EPC2: variants seen among roughly 807,000 people sequenced by gnomAD.
EPC2 encodes enhancer of polycomb homolog 2.
A neutral mutation model predicts 92.1 loss-of-function variants in EPC2; 14 were observed. The ratio of observed to expected loss-of-function variants is 0.15; its 90% confidence interval spans 0.10 to 0.24. The LOEUF (loss-of-function observed/expected upper bound fraction) is 0.24, where lower values mean the gene tolerates loss of function less well. Among genes scored for constraint, EPC2 ranks in the 10% least tolerant of loss-of-function variants. The pLI, the probability that EPC2 is intolerant of heterozygous loss-of-function variation, is 1.00. For synonymous variants in EPC2, 340 were observed against 334.7 expected, an observed-to-expected ratio of 1.02 and a Z score of -0.17; for missense variants, 755 against 971.5, an observed-to-expected ratio of 0.78 and a Z score of 2.96.
At position 148,645,010 on chromosome 2, in the gene EPC2, G is replaced by A. The variant is rs1172791916; in HGVS notation, c.-8G>A. The A allele has an allele frequency of 6.5e-7, 1 of 1,550,192 alleles. No homozygotes were observed. The highest frequency in any genetic ancestry group is 1.2e-5 in the South Asian group (1 of 84,044). Reference sequence around the variant, plus strand: ...CCGCCCGGGCTGTTCCTGTAAGGCGGGGAGACAATGAGTAAACTCTCCTTC... The same window carrying A: ...CCGCCCGGGCTGTTCCTGTAAGGCGAGGAGACAATGAGTAAACTCTCCTTC... On this transcript the variant is annotated 5_prime_UTR_variant, in exon 1 of 14. Transcript: ENST00000258484.
chr2:148,749,162 T>C (rs1327503941), intron 3 of EPC2, among the ~76,000 whole-genome samples: 3 of 152,156 alleles, frequency 2.0e-5, no homozygotes, highest in Non-Finnish European at 4.4e-5. Context: ...GGATACAGGC[T>C]ACATGTTTAC....
chr2:148,776,647 A>T (rs747221469), intron 10 of EPC2, among the ~76,000 whole-genome samples: 1 of 152,086 alleles, frequency 6.6e-6, no homozygotes, highest in Non-Finnish European at 1.5e-5. Flanking sequence ...TCTACCCTTT[A>T]ATCCTGCCCC....
chr2:148,680,191 A>G (rs1483815149), intron 1 of EPC2, among the ~76,000 whole-genome samples: 3 of 149,712 alleles, frequency 2.0e-5, no homozygotes, highest in South Asian at 2.1e-4. Flanking sequence ...CTAAATCCCT[A>G]TTGATCCTAA....
intron 2 of EPC2, among the ~76,000 whole-genome samples, chr2:148,701,966 C>T (rs1681897912): frequency 6.6e-6 from 1 of 152,018 alleles, no homozygotes. Context: ...TGTCCATTTT[C>T]TGTAAGTTGT....
intron 2 of EPC2, among the ~76,000 whole-genome samples, chr2:148,695,842 G>A (rs935643540): frequency 6.6e-6 from 1 of 152,180 alleles, no homozygotes; most frequent in Non-Finnish European, 1.5e-5. Flanking sequence ...AATAAATAAA[G>A]ACTGGTAAAA....
chr2:148,761,685 T>TA (rs1397279683), intron 4 of EPC2, 97 bp from the exon 5 acceptor site: 1 of 812,942 alleles, frequency 1.2e-6, no homozygotes, highest in Non-Finnish European at 1.8e-6. Flanking sequence ...ATTTTACTTT[T>TA]ATAGGATAAA....
chr2:148,726,665 G>GT (rs1682501067), intron 2 of EPC2, among the ~76,000 whole-genome samples: 1 of 148,494 alleles, frequency 6.7e-6, no homozygotes, highest in South Asian at 2.1e-4. Context: ...AAAGAGTTGA[G>GT]TATGTATATC....
chr2:148,660,228 A>T (rs1345775177), intron 1 of EPC2, among the ~76,000 whole-genome samples: 1 of 152,148 alleles, frequency 6.6e-6, no homozygotes, highest in Non-Finnish European at 1.5e-5. Context: ...TTTGTTTTTT[A>T]AAATCTATTT....
At chr2:148,685,878 A>G (rs1031114960) in intron 1 of EPC2, among the ~76,000 whole-genome samples, 2 of 152,220 alleles carry the variant, frequency 1.3e-5, no homozygotes, top group Admixed American at 6.5e-5. Context: ...AAAATGCCCT[A>G]TTGCTAAAAA....
intron 1 of EPC2, among the ~76,000 whole-genome samples, chr2:148,671,038 G>C (rs189209751): frequency 6.6e-6 from 1 of 152,216 alleles, no homozygotes; most frequent in Non-Finnish European, 1.5e-5. Flanking sequence ...ATGGTTTCTT[G>C]GGTACTTGGG....
chr2:148,759,174 C>T (rs971393612), intron 4 of EPC2, among the ~76,000 whole-genome samples: 1 of 152,154 alleles, frequency 6.6e-6, no homozygotes, highest in African/African-American at 2.4e-5. Flanking sequence ...CTTACTGCAA[C>T]CTCTACCTCC....
intron 6 of EPC2, 38 bp downstream of exon 6, chr2:148,762,840 A>G: frequency 6.4e-7 from 1 of 1,560,106 alleles, no homozygotes; most frequent in South Asian, 1.2e-5. Flanking sequence ...ATGGATGGTA[A>G]TGTTGATCAG....
chr2:148,711,822 T>C (rs1337821048), intron 2 of EPC2, among the ~76,000 whole-genome samples: 3 of 152,214 alleles, frequency 2.0e-5, no homozygotes, highest in African/African-American at 2.4e-5. Context: ...TTGACTCTTA[T>C]TATGTAATAT....
chr2:148,719,954 A>T (rs1293738908), intron 2 of EPC2, among the ~76,000 whole-genome samples: 2 of 152,178 alleles, frequency 1.3e-5, no homozygotes, highest in Non-Finnish European at 2.9e-5. Context: ...TCTGGCTGGG[A>T]GGACCCGCCC....
chr2:148,727,984 ATTCTT>A (rs1682530609), intron 2 of EPC2, among the ~76,000 whole-genome samples: 2 of 152,124 alleles, frequency 1.3e-5, no homozygotes, highest in Non-Finnish European at 2.9e-5. Context: ...AGGAATTTGT[ATTCTT>A]TTCTTTTCTC....
chr2:148,759,932 G>A (rs918529773), intron 4 of EPC2, among the ~76,000 whole-genome samples: 11 of 152,058 alleles, frequency 7.2e-5, no homozygotes, highest in Admixed American at 5.2e-4. Context: ...AGTTAGGAAC[G>A]ATAATTATTT....
intron 1 of EPC2, among the ~76,000 whole-genome samples, chr2:148,645,927 G>A (rs1683790188): frequency 6.6e-6 from 1 of 152,262 alleles, no homozygotes; most frequent in African/African-American, 2.4e-5. Context: ...AATTGTCATT[G>A]CGAGGTGGTC....
chr2:148,653,739 A>C (rs1298254901), intron 1 of EPC2, among the ~76,000 whole-genome samples: 1 of 149,920 alleles, frequency 6.7e-6, no homozygotes, highest in Non-Finnish European at 1.5e-5. Context: ...GACGTGTCTC[A>C]TGTCTTGGTT....
At chr2:148,742,191 A>G (rs1175828134) in intron 2 of EPC2, among the ~76,000 whole-genome samples, 4 of 152,134 alleles carry the variant, frequency 2.6e-5, no homozygotes, top group African/African-American at 9.7e-5. Flanking sequence ...CCCTGTGTAC[A>G]TATCTTTGTT....
Sources: gnomAD v4.1 joint callset for allele counts (sites outside exome capture counted in the v4.1 genomes callset) on GRCh38, gnomAD v4.1.1 for gene constraint, MANE v1.5 for transcripts, NCBI Gene and HGNC (gene_info 2026-07-23, HGNC 2026-07-21) for gene names.